The following MYO5B variants were observed in gnomAD, a reference collection of about 807,000 sequenced individuals.
The protein encoded by MYO5B is myosin VB, also known as unconventional myosin-Vb.
A neutral mutation model predicts 229.3 loss-of-function variants in MYO5B; 143 were observed. That is an observed-to-expected ratio of 0.62 (90% CI 0.54 to 0.72). The LOEUF is 0.72. Among genes scored for constraint, MYO5B ranks in the 30% least tolerant of loss-of-function variants. The probability of loss-of-function intolerance (pLI) is 0.00; values close to 1 mark genes in which losing one functional copy is unlikely to be tolerated. For synonymous variants in MYO5B, 918 were observed against 885.2 expected, an observed-to-expected ratio of 1.04 and a Z score of -0.66; for missense variants, 2,321 against 2,331.0, an observed-to-expected ratio of 1.00 and a Z score of 0.09.
intron 19 of MYO5B, among the ~76,000 whole-genome samples, 166 bp downstream of exon 19, chr18:49,906,253 A>AT (rs1260274751): frequency 2.6e-5 from 4 of 152,114 alleles, no homozygotes; most frequent in Non-Finnish European, 5.9e-5. Flanking sequence ...GAAGGCATTG[A>AT]TTATAGGGAT....
At chr18:50,033,050 T>C (rs970012546) in intron 4 of MYO5B, among the ~76,000 whole-genome samples, 2 of 152,120 alleles carry the variant, frequency 1.3e-5, no homozygotes, top group African/African-American at 2.4e-5. Flanking sequence ...TGCTGGGTCA[T>C]AGGGGGATTT....
At position 50,022,458 on chromosome 18, in the gene MYO5B, C is replaced by G. The variant is rs144431356; in HGVS notation, c.455+14392G>C. On this transcript the variant is annotated intron_variant, in intron 4 of 39. Transcript: ENST00000285039. Reference sequence around the variant, plus strand: ...CACATTTCTTTTATTATGACATTCTCCTTCCTCAACTCAAGGCATTAATTT... The same window carrying G: ...CACATTTCTTTTATTATGACATTCTGCTTCCTCAACTCAAGGCATTAATTT... Among the ~76,000 whole-genome samples, 63 of 152,266 alleles carry G rather than the reference C, an allele frequency of 4.1e-4. No individual in the cohort carries two copies. The East Asian group carries it at 0.011, about 26-fold the overall frequency.
chr18:49,937,582 CA>C (rs1181531277), intron 14 of MYO5B, among the ~76,000 whole-genome samples, 185 bp from the exon 15 acceptor site: 2 of 152,122 alleles, frequency 1.3e-5, no homozygotes, highest in African/African-American at 2.4e-5. Context: ...ACCCAAATAC[CA>C]ACTGATGAAT....
intron 1 of MYO5B, among the ~76,000 whole-genome samples, chr18:50,154,438 G>A (rs557127785): frequency 4.7e-4 from 72 of 152,226 alleles, no homozygotes; most frequent in African/African-American, 1.6e-3. Flanking sequence ...TTCTTTGATT[G>A]GTACGGGATT....
intron 39 of MYO5B, among the ~76,000 whole-genome samples, chr18:49,827,870 C>T (rs1037579465): frequency 4.0e-5 from 6 of 151,802 alleles, no homozygotes; most frequent in Non-Finnish European, 7.4e-5. Flanking sequence ...CACAGTGAAA[C>T]ACATTATACT....
intron 12 of MYO5B, among the ~76,000 whole-genome samples, chr18:49,959,654 C>T (rs895251485): frequency 6.6e-6 from 1 of 152,212 alleles, no homozygotes; most frequent in Non-Finnish European, 1.5e-5. Flanking sequence ...TTGATTGCTC[C>T]AACACCTCCA....
chr18:50,058,532 C>T (rs762899814), intron 1 of MYO5B, among the ~76,000 whole-genome samples: 50 of 152,124 alleles, frequency 3.3e-4, no homozygotes, highest in Non-Finnish European at 4.9e-4. Flanking sequence ...CACAGTAGGC[C>T]GGGCACAGTG....
At chr18:49,976,105 A>T (rs1047024877) in intron 9 of MYO5B, among the ~76,000 whole-genome samples, 3 of 152,236 alleles carry the variant, frequency 2.0e-5, no homozygotes, top group Admixed American at 2.0e-4. Context: ...GCCCAGGCTC[A>T]AGCCTGCTGG....
intron 14 of MYO5B, among the ~76,000 whole-genome samples, chr18:49,947,915 C>T (rs1432710250): frequency 1.6e-4 from 23 of 140,034 alleles, no homozygotes; most frequent in Admixed American, 1.5e-3. Flanking sequence ...AGGTTTGTTA[C>T]ATCTGTATAC....
At chr18:49,918,957 A>T (rs1318505443) in intron 17 of MYO5B, among the ~76,000 whole-genome samples, 1 of 152,220 alleles carries the variant, frequency 6.6e-6, no homozygotes, top group Non-Finnish European at 1.5e-5. Flanking sequence ...AGGAACAGGC[A>T]TCCTTAACCT....
intron 1 of MYO5B, among the ~76,000 whole-genome samples, chr18:50,077,502 A>AACACACACACACACACAC (rs60086500): frequency 1.5e-4 from 20 of 133,594 alleles, no homozygotes; most frequent in South Asian, 5.2e-4. Flanking sequence ...CACACACACA[A>AACACACACACACACACAC]ACACACACAC....
intron 30 of MYO5B, among the ~76,000 whole-genome samples, chr18:49,855,399 G>C (rs685591): frequency 0.043 from 6,595 of 152,246 alleles, 476 homozygotes; most frequent in African/African-American, 0.15. Flanking sequence ...TGATTCATAG[G>C]TCTGTGCTTT....
intron 1 of MYO5B, among the ~76,000 whole-genome samples, chr18:50,077,476 C>G (rs2031111678): frequency 7.0e-6 from 1 of 143,382 alleles, no homozygotes; most frequent in Non-Finnish European, 1.5e-5. Flanking sequence ...GATCCGTGAT[C>G]AAGGCAAAAC....
chr18:50,001,926 C>T (rs1450110529), intron 4 of MYO5B, among the ~76,000 whole-genome samples: 6 of 151,308 alleles, frequency 4.0e-5, no homozygotes, highest in African/African-American at 1.2e-4. Flanking sequence ...GTCCCAGCTA[C>T]TTGGGAGGCT....
intron 4 of MYO5B, among the ~76,000 whole-genome samples, chr18:50,017,774 T>C (rs1451349273): frequency 6.6e-6 from 1 of 152,240 alleles, no homozygotes; most frequent in Non-Finnish European, 1.5e-5. Context: ...CACAGCATAC[T>C]GTTCAGAAAT....
In MYO5B at chr18:50,111,333, A is replaced by T. The variant is rs2031860745; in HGVS notation, c.28-55955T>A. ...AGTAAATTCTATTCATAAAACTACAAAATCTCTACTCTGCAAAGGGCACTG... is the reference window on the plus strand; with the variant it reads ...AGTAAATTCTATTCATAAAACTACATAATCTCTACTCTGCAAAGGGCACTG... On this transcript the variant is annotated intron_variant, in intron 1 of 39. Coordinates refer to ENST00000285039, the MANE Select transcript of MYO5B (RefSeq NM_001080467.3). Among the ~76,000 whole-genome samples the T allele has an allele frequency of 2.0e-5, 3 of 152,246 alleles. No individual in the cohort carries two copies. The South Asian group carries it at 6.2e-4, about 31-fold the overall frequency.
chr18:50,076,385 A>G (rs2031078559), intron 1 of MYO5B, among the ~76,000 whole-genome samples: 1 of 152,170 alleles, frequency 6.6e-6, no homozygotes, highest in South Asian at 2.1e-4. Flanking sequence ...CCAAAGACAC[A>G]TGACTTGCCT....
chr18:50,153,737 A>C (rs2032636159), intron 1 of MYO5B, among the ~76,000 whole-genome samples: 1 of 152,166 alleles, frequency 6.6e-6, no homozygotes, highest in African/African-American at 2.4e-5. Context: ...TGCGTGAGTC[A>C]CTGTGCCCGG....
chr18:49,950,762 C>T (rs997905208), intron 14 of MYO5B, among the ~76,000 whole-genome samples: 3 of 152,050 alleles, frequency 2.0e-5, no homozygotes, highest in African/African-American at 7.2e-5. Context: ...TTTTTATGAG[C>T]TTACATTTAA....
Sources: allele counts gnomAD v4.1 joint callset (sites outside exome capture counted in the v4.1 genomes callset), GRCh38; gene constraint gnomAD v4.1.1; transcripts MANE v1.5; gene names NCBI Gene and HGNC (gene_info 2026-07-23, HGNC 2026-07-21).